Variants in CSMD1 observed in about 807,000 individuals in gnomAD.
CSMD1 encodes the protein CUB and Sushi multiple domains 1.
In CSMD1, 213 loss-of-function variants were observed where a neutral mutation model predicts 417.5. The observed-to-expected ratio is 0.51, with a 90% CI of 0.46 to 0.57. The LOEUF is 0.57. Ranked by LOEUF, CSMD1 falls within the 20% of genes least tolerant of loss-of-function variation. CSMD1 has a pLI of 0.00. For missense variants in CSMD1, 6,923 were observed against 4,529.7 expected, an observed-to-expected ratio of 1.53 and a Z score of -15.17; for synonymous variants, 2,862 against 1,736.8, an observed-to-expected ratio of 1.65 and a Z score of -16.11.
chr8:3,457,111 C>A (rs1398466912), intron 12 of CSMD1, among the ~76,000 whole-genome samples: 3 of 151,784 alleles, frequency 2.0e-5, no homozygotes, highest in Non-Finnish European at 4.4e-5. Context: ...CCCTCTGAAT[C>A]CCTCACCCAG....
chr8:4,189,474 A>AT (rs1279300919), intron 3 of CSMD1, among the ~76,000 whole-genome samples: 1 of 152,156 alleles, frequency 6.6e-6, no homozygotes, highest in South Asian at 2.1e-4. Context: ...GAAAAACAAA[A>AT]TTTTTCCGCT....
intron 3 of CSMD1, among the ~76,000 whole-genome samples, chr8:4,089,704 A>C (rs1292748329): frequency 6.6e-6 from 1 of 152,202 alleles, no homozygotes; most frequent in Admixed American, 6.5e-5. Flanking sequence ...CCAACACAGA[A>C]AGCTAGCTCA....
At chr8:4,029,093 T>C (rs1251534946) in intron 4 of CSMD1, among the ~76,000 whole-genome samples, 2 of 152,004 alleles carry the variant, frequency 1.3e-5, no homozygotes, top group African/African-American at 2.4e-5. Flanking sequence ...ATATACACAT[T>C]AAATGGTCAA....
chr8:3,656,325 C>A (rs1798103077), intron 7 of CSMD1, among the ~76,000 whole-genome samples: 2 of 152,188 alleles, frequency 1.3e-5, no homozygotes, highest in South Asian at 4.1e-4. Context: ...AAAGGTATAG[C>A]ACTACTTTCC....
intron 12 of CSMD1, among the ~76,000 whole-genome samples, chr8:3,453,319 T>C (rs1563053193): frequency 6.6e-6 from 1 of 152,240 alleles, no homozygotes; most frequent in Non-Finnish European, 1.5e-5. Context: ...CGTTCACTTC[T>C]GCTCTGATCT....
At chr8:3,329,374 A>G (rs1806743355) in intron 23 of CSMD1, among the ~76,000 whole-genome samples, 1 of 152,056 alleles carries the variant, frequency 6.6e-6, no homozygotes. Flanking sequence ...TGCAGGAGAA[A>G]GGAATGATAA....
At chr8:4,273,305 C>T (rs1332889898) in intron 3 of CSMD1, among the ~76,000 whole-genome samples, 2 of 152,010 alleles carry the variant, frequency 1.3e-5, no homozygotes, top group Non-Finnish European at 2.9e-5. Flanking sequence ...TATAATTTTT[C>T]CAGTTTTATG....
At chr8:4,024,316 C>T (rs1318745933) in intron 4 of CSMD1, among the ~76,000 whole-genome samples, 1 of 152,128 alleles carries the variant, frequency 6.6e-6, no homozygotes, top group Admixed American at 6.5e-5. Context: ...ACATAAAAGA[C>T]AATAATGACA....
chr8:4,938,672 C>T (rs1169717372), intron 1 of CSMD1, among the ~76,000 whole-genome samples: 2 of 152,086 alleles, frequency 1.3e-5, no homozygotes, highest in East Asian at 3.9e-4. Flanking sequence ...AGGATCAAGC[C>T]TCATGATAAT....
chr8:3,608,202 G>A (rs1801714250), intron 8 of CSMD1, among the ~76,000 whole-genome samples: 1 of 149,756 alleles, frequency 6.7e-6, no homozygotes, highest in South Asian at 2.1e-4. Flanking sequence ...AGTAAAGGAA[G>A]AAAGACAGGA....
At chr8:3,641,401 G>T (rs957658225) in intron 7 of CSMD1, among the ~76,000 whole-genome samples, 1 of 152,108 alleles carries the variant, frequency 6.6e-6, no homozygotes, top group Non-Finnish European at 1.5e-5. Flanking sequence ...GATCTTAGAA[G>T]CAGAAATAAA....
At chr8:2,943,187 A>G (rs1177264152) in intron 68 of CSMD1, among the ~76,000 whole-genome samples, 1 of 152,162 alleles carries the variant, frequency 6.6e-6, no homozygotes, top group Non-Finnish European at 1.5e-5. Context: ...AAGACACAAA[A>G]TAATGCTAAA....
intron 10 of CSMD1, among the ~76,000 whole-genome samples, chr8:3,565,417 G>T (rs1213420691): frequency 6.6e-6 from 1 of 152,120 alleles, no homozygotes; most frequent in Non-Finnish European, 1.5e-5. Flanking sequence ...GGAAAGGGTG[G>T]TGTGTCTAAT....
chr8:3,939,564 C>A (rs554007772), intron 5 of CSMD1, among the ~76,000 whole-genome samples: 2 of 152,078 alleles, frequency 1.3e-5, no homozygotes, highest in African/African-American at 4.8e-5. Flanking sequence ...GGCACATGCA[C>A]AAGCATGTTT....
chr8:3,785,615 T>A (rs1375209377), intron 5 of CSMD1, among the ~76,000 whole-genome samples: 1 of 152,212 alleles, frequency 6.6e-6, no homozygotes, highest in African/African-American at 2.4e-5. Flanking sequence ...TATAAGATGT[T>A]AGAAGCAAGT....
At chr8:4,628,917 G>T (rs769423866) in intron 2 of CSMD1, among the ~76,000 whole-genome samples, 25 of 152,062 alleles carry the variant, frequency 1.6e-4, no homozygotes, top group Non-Finnish European at 2.9e-4. Flanking sequence ...TAAAACCTTG[G>T]AAGAAAATGG....
intron 7 of CSMD1, among the ~76,000 whole-genome samples, chr8:3,687,069 G>T (rs895233352): frequency 1.3e-5 from 2 of 152,136 alleles, no homozygotes; most frequent in African/African-American, 2.4e-5. Flanking sequence ...GACAGTATTG[G>T]ATATCAAATA....
At chr8:4,868,786 A>AG (rs1802564734) in intron 1 of CSMD1, among the ~76,000 whole-genome samples, 1 of 2,414 alleles carries the variant, frequency 4.1e-4, no homozygotes, top group Admixed American at 0.042. Flanking sequence ...TAAAAATTGT[A>AG]AAAAAAAAGC....
At chr8:4,569,147 A>G (rs907404532) in intron 2 of CSMD1, among the ~76,000 whole-genome samples, 39 of 152,128 alleles carry the variant, frequency 2.6e-4, no homozygotes, top group African/African-American at 9.2e-4. Flanking sequence ...CTTTATTTCA[A>G]TTAGATTCCA....
Sources: gnomAD v4.1 joint callset for allele counts (sites outside exome capture counted in the v4.1 genomes callset) on GRCh38, gnomAD v4.1.1 for gene constraint, MANE v1.5 for transcripts, NCBI Gene and HGNC (gene_info 2026-07-23, HGNC 2026-07-21) for gene names.